Variants in GPC5 observed in about 807,000 individuals in gnomAD.
The protein encoded by GPC5 is glypican-5.
GPC5 carries 47 observed loss-of-function variants against 53.9 expected under a neutral mutation model. That is an observed-to-expected ratio of 0.87 (90% CI 0.69 to 1.11). GPC5 has a LOEUF of 1.11. Among genes scored for constraint, GPC5 ranks in the 50% most tolerant of loss-of-function variants. GPC5 has a pLI of 0.00. For synonymous variants in GPC5, 286 were observed against 263.3 expected, an observed-to-expected ratio of 1.09 and a Z score of -0.84; for missense variants, 748 against 713.1, an observed-to-expected ratio of 1.05 and a Z score of -0.56.
intron 6 of GPC5, among the ~76,000 whole-genome samples, chr13:91,981,894 A>T (rs114665203): frequency 6.6e-6 from 1 of 152,206 alleles, no homozygotes; most frequent in Non-Finnish European, 1.5e-5. Context: ...GATTTGAAGG[A>T]TAAGAGTTAG....
chr13:91,966,342 A>G (rs2040180676), intron 6 of GPC5, among the ~76,000 whole-genome samples: 1 of 152,216 alleles, frequency 6.6e-6, no homozygotes, highest in Non-Finnish European at 1.5e-5. Context: ...TGGTCAGAAA[A>G]GAGATTCATT....
intron 6 of GPC5, among the ~76,000 whole-genome samples, chr13:92,069,537 T>C (rs944166393): frequency 6.6e-6 from 1 of 151,950 alleles, no homozygotes; most frequent in Non-Finnish European, 1.5e-5. Flanking sequence ...CATATAGAGA[T>C]AGTTATATTT....
intron 2 of GPC5, among the ~76,000 whole-genome samples, chr13:91,615,894 A>C (rs568885702): frequency 6.6e-6 from 1 of 152,266 alleles, no homozygotes; most frequent in Non-Finnish European, 1.5e-5. Flanking sequence ...GGATAGTTTC[A>C]AATGTCTTTA....
intron 5 of GPC5, among the ~76,000 whole-genome samples, chr13:91,818,081 G>A (rs879528555): frequency 2.6e-5 from 4 of 152,096 alleles, no homozygotes; most frequent in Admixed American, 6.6e-5. Flanking sequence ...GGGATAAATT[G>A]TGCACTCTTT....
At chr13:92,548,560 TAATG>T (rs1208027218) in intron 7 of GPC5, among the ~76,000 whole-genome samples, 1 of 152,016 alleles carries the variant, frequency 6.6e-6, no homozygotes, top group Non-Finnish European at 1.5e-5. Flanking sequence ...CTTTAAAAAT[TAATG>T]ATAATTACAA....
At chr13:92,830,637 A>G (rs922283863) in intron 7 of GPC5, among the ~76,000 whole-genome samples, 3 of 152,108 alleles carry the variant, frequency 2.0e-5, no homozygotes, top group African/African-American at 7.2e-5. Context: ...AAAAAGCTTT[A>G]TATTATAAAG....
Position 91,490,807 on chromosome 13 carries a change from G to C in GPC5, c.325+41885G>C, listed in dbSNP as rs543789106. 3.9e-5 allele frequency among the ~76,000 whole-genome samples: 6 copies of C among 152,054 alleles called. 1 individual carries two copies. The South Asian group carries it at 8.3e-4, about 21-fold the overall frequency. On this transcript the variant is annotated intron_variant, in intron 2 of 7. Coordinates refer to ENST00000377067, the MANE Select transcript of GPC5 (RefSeq NM_004466.6). ...ACTTTCTTCTTTGCTGCTTCTTCTT[G>C]TTTCTTCTTTTTATTTTGAACATTA...
chr13:92,648,244 A>T (rs561625488), intron 7 of GPC5, among the ~76,000 whole-genome samples: 1 of 152,234 alleles, frequency 6.6e-6, no homozygotes, highest in Admixed American at 6.6e-5. Context: ...AGATAGAATT[A>T]TGCTGAGTTA....
intron 3 of GPC5, among the ~76,000 whole-genome samples, chr13:91,723,883 C>T (rs189395630): frequency 6.6e-6 from 1 of 152,194 alleles, no homozygotes; most frequent in East Asian, 1.9e-4. Flanking sequence ...TTACCTCTGC[C>T]CCCATAGTGA....
intron 6 of GPC5, among the ~76,000 whole-genome samples, chr13:92,026,049 A>C (rs1433824734): frequency 6.6e-6 from 1 of 152,166 alleles, no homozygotes; most frequent in African/African-American, 2.4e-5. Context: ...ACTTCCGAGC[A>C]GGAGTAGAAT....
chr13:92,131,959 C>G (rs1205593380), intron 6 of GPC5, among the ~76,000 whole-genome samples: 2 of 152,012 alleles, frequency 1.3e-5, no homozygotes, highest in Non-Finnish European at 2.9e-5. Context: ...ATTTTTTACA[C>G]CAAAAGACTT....
At chr13:92,192,178 T>G (rs993890494) in intron 7 of GPC5, among the ~76,000 whole-genome samples, 1 of 152,162 alleles carries the variant, frequency 6.6e-6, no homozygotes, top group Non-Finnish European at 1.5e-5. Flanking sequence ...TATTATACAT[T>G]TGTCAAAACT....
chr13:91,965,334 G>T (rs772355779), intron 6 of GPC5, among the ~76,000 whole-genome samples: 1 of 152,142 alleles, frequency 6.6e-6, no homozygotes, highest in African/African-American at 2.4e-5. Flanking sequence ...AGGCATTTTG[G>T]TTGTGAAGTC....
chr13:92,706,728 A>G (rs988640969), intron 7 of GPC5, among the ~76,000 whole-genome samples: 1 of 152,184 alleles, frequency 6.6e-6, no homozygotes, highest in Non-Finnish European at 1.5e-5. Context: ...TATCAAGACA[A>G]ATTGAAGCAT....
chr13:91,558,977 A>G (rs2031109195), intron 2 of GPC5, among the ~76,000 whole-genome samples: 1 of 151,932 alleles, frequency 6.6e-6, no homozygotes, highest in African/African-American at 2.4e-5. Flanking sequence ...CTTGTTCATA[A>G]TTCTTTATGG....
At chr13:91,514,747 G>C (rs974816732) in intron 2 of GPC5, among the ~76,000 whole-genome samples, 1 of 152,068 alleles carries the variant, frequency 6.6e-6, no homozygotes, top group Non-Finnish European at 1.5e-5. Flanking sequence ...CTCTGGCTTA[G>C]TTTTACTTGC....
At chr13:91,478,363 G>A (rs1006852829) in intron 2 of GPC5, among the ~76,000 whole-genome samples, 23 of 151,768 alleles carry the variant, frequency 1.5e-4, no homozygotes, top group Admixed American at 1.5e-3. Context: ...CCATTTCACT[G>A]TCTTTTTTCT....
chr13:91,588,148 C>T lies in GPC5; in HGVS notation c.326-105039C>T, dbSNP rs1005272665. On this transcript the variant is annotated intron_variant, in intron 2 of 7. Coordinates refer to ENST00000377067, the MANE Select transcript of GPC5 (RefSeq NM_004466.6). Reference sequence around the variant, plus strand: ...TTCTTTTGGCTGGGAGTTGGAGAGGCGTCTTTTCATCTACAGGTGATTTGC... The same window carrying T: ...TTCTTTTGGCTGGGAGTTGGAGAGGTGTCTTTTCATCTACAGGTGATTTGC... 6.0e-4 allele frequency among the ~76,000 whole-genome samples: 92 copies of T among 152,070 alleles called. 1 individual carries two copies. The highest frequency in any genetic ancestry group is 5.8e-3 in the Admixed American group (88 of 15,256).
chr13:92,391,805 C>G (rs955194793), intron 7 of GPC5, among the ~76,000 whole-genome samples: 2 of 152,024 alleles, frequency 1.3e-5, no homozygotes, highest in African/African-American at 4.8e-5. Flanking sequence ...CACATAGAAT[C>G]CCAGGCTACT....
Sources: gnomAD v4.1 joint callset for allele counts (sites outside exome capture counted in the v4.1 genomes callset) on GRCh38, gnomAD v4.1.1 for gene constraint, MANE v1.5 for transcripts, NCBI Gene and HGNC (gene_info 2026-07-23, HGNC 2026-07-21) for gene names.